Variants in CHRM3 observed in about 807,000 individuals in gnomAD.
CHRM3 encodes the protein muscarinic acetylcholine receptor M3.
Under a neutral mutation model 41.8 loss-of-function variants are expected in CHRM3, and 11 were observed. The ratio of observed to expected loss-of-function variants is 0.26; its 90% CI spans 0.17 to 0.44. The LOEUF is 0.44. Among genes scored for constraint, CHRM3 ranks in the 20% least tolerant of loss-of-function variants. CHRM3 has a pLI of 1.00. For synonymous variants in CHRM3, 297 were observed against 301.4 expected (o/e 0.99, Z 0.15); for missense variants, 571 against 745.4 (o/e 0.77, Z 2.72).
At chr1:239,605,174 A>G (rs1666100815) in intron 3 of CHRM3, among the ~76,000 whole-genome samples, 2 of 152,250 alleles carry the variant, frequency 1.3e-5, no homozygotes, top group Admixed American at 6.5e-5. Context: ...TCCAAGCTTC[A>G]GAGAGCTAAC....
At chr1:239,597,925 G>A (rs1175293357) in intron 3 of CHRM3, among the ~76,000 whole-genome samples, 1 of 147,752 alleles carries the variant, frequency 6.8e-6, no homozygotes, top group South Asian at 2.3e-4. Flanking sequence ...TGAGAACAGG[G>A]GTCTCGTGCA....
intron 5 of CHRM3, chr1:239,720,285 AAAAC>A (rs1662832453): frequency 6.6e-6 from 1 of 151,990 alleles, no homozygotes; most frequent in South Asian, 2.1e-4. Flanking sequence ...ATGTTTTTCT[AAAAC>A]AAAAAACTTT....
In CHRM3 at chr1:239,901,022, G is replaced by A. The variant is rs890446325; in HGVS notation, c.-19-6411G>A. ...AAGGTGTTCGCCCAGCTGAGTTTAC[G>A]TCTTAGGCAAGACTAAGGAAGAATT... is the stretch of plus-strand genomic sequence containing the variant. On this transcript the variant is annotated intron_variant, in intron 6 of 6. Transcript: ENST00000676153. Among the ~76,000 whole-genome samples the A allele has an allele frequency of 5.9e-5, 9 of 152,240 alleles. No individual in the cohort carries two copies. In the South Asian group the frequency reaches 8.3e-4, roughly 14 times the overall value.
rs142177467 is a variant in CHRM3, at chr1:239,808,203, C to T, written c.-146-19049C>T. Among the ~76,000 whole-genome samples the T allele has an allele frequency of 9.2e-3, 1,406 of 152,248 alleles. 24 individuals are homozygous for T. Among genetic ancestry groups the T allele is most frequent in the African/African-American group, 0.026 (1,076 of 41,530 alleles). ...GACAGCCCTAGAGAAAGCTCTCCAG[C>T]TCCCTGTGACAAGTCGTAGCTGAAG... On this transcript the variant is annotated intron_variant, in intron 5 of 6. Transcript: ENST00000676153.
chr1:239,458,690 C>T (rs1045497737), intron 1 of CHRM3, among the ~76,000 whole-genome samples: 5 of 152,088 alleles, frequency 3.3e-5, no homozygotes, highest in Non-Finnish European at 5.9e-5. Context: ...TTTGAAGGAA[C>T]CTTCAAACTT....
intron 5 of CHRM3, among the ~76,000 whole-genome samples, chr1:239,696,136 G>T (rs981578358): frequency 6.6e-6 from 1 of 152,108 alleles, no homozygotes; most frequent in Admixed American, 6.6e-5. Context: ...CTGGCCTTGG[G>T]TGGGACATTT....
intron 4 of CHRM3, among the ~76,000 whole-genome samples, chr1:239,668,971 A>G (rs542586494): frequency 5.9e-5 from 9 of 152,204 alleles, no homozygotes; most frequent in South Asian, 2.1e-4. Flanking sequence ...CCCTGCCTGC[A>G]TAGTTGAACA....
intron 5 of CHRM3, among the ~76,000 whole-genome samples, chr1:239,791,431 G>A (rs762058024): frequency 4.3e-4 from 66 of 152,288 alleles, no homozygotes; most frequent in Middle Eastern, 3.4e-3. Flanking sequence ...AAAGGGGCAT[G>A]TTGAGCAATT....
At position 239,894,968 on chromosome 1, in the gene CHRM3, T is replaced by C. The variant is rs114643600; in HGVS notation, c.-19-12465T>C. Among the ~76,000 whole-genome samples the C allele has an allele frequency of 7.3e-3, 1,115 of 152,288 alleles. 12 individuals are homozygous for C. The highest frequency in any genetic ancestry group is 0.025 in the African/African-American group (1,029 of 41,552). ...AAGACCCTCTGGTGCCTTCAGTATATGGCAAGCATTCACTGCCCTGGAAGA... is the reference window on the plus strand; with the variant it reads ...AAGACCCTCTGGTGCCTTCAGTATACGGCAAGCATTCACTGCCCTGGAAGA... On this transcript the variant is annotated intron_variant, in intron 6 of 6. Transcript: ENST00000676153.
intron 5 of CHRM3, among the ~76,000 whole-genome samples, chr1:239,777,009 A>G (rs1312501271): frequency 6.6e-6 from 1 of 152,182 alleles, no homozygotes; most frequent in Admixed American, 6.5e-5. Flanking sequence ...GCAGTTCAAG[A>G]TGAGATTTGG....
chr1:239,874,299 A>ATATATCTATATACACAGTG lies in CHRM3; in HGVS notation c.-19-33129_-19-33128insCTATATACACAGTGTATAT, dbSNP rs1553291948. On this transcript the variant is annotated intron_variant, in intron 6 of 6. Coordinates refer to ENST00000676153, the MANE Select transcript of CHRM3 (RefSeq NM_001375978.1). The stretch of plus-strand genomic sequence containing the variant: ...CTATATACACAGTATATATATATAT[A>ATATATCTATATACACAGTG]TATATATATATATATATATATATAT... Among the ~76,000 whole-genome samples the ATATATCTATATACACAGTG allele has an allele frequency of 8.6e-5, 10 of 116,702 alleles. 1 individual carries two copies. Among genetic ancestry groups the ATATATCTATATACACAGTG allele is most frequent in the Non-Finnish European group, 1.3e-4 (8 of 59,412 alleles). The allele number at this position is 116,702 out of a possible 152,430, so 76.6% of individuals were successfully genotyped here.
intron 1 of CHRM3, chr1:239,408,248 T>C (rs2103027402): frequency 6.6e-6 from 1 of 152,246 alleles, no homozygotes; most frequent in South Asian, 2.1e-4. Context: ...TATGCCATAA[T>C]TGTAAGTTTC....
chr1:239,896,437 A>G (rs1679012658), intron 6 of CHRM3, among the ~76,000 whole-genome samples: 1 of 152,254 alleles, frequency 6.6e-6, no homozygotes, highest in Non-Finnish European at 1.5e-5. Context: ...GTACTCAAAC[A>G]CATTTACTGT....
intron 3 of CHRM3, among the ~76,000 whole-genome samples, chr1:239,597,595 A>G (rs946642278): frequency 1.3e-5 from 2 of 152,110 alleles, no homozygotes; most frequent in African/African-American, 4.8e-5. Context: ...TATCATTACA[A>G]TACTAACTTG....
At chr1:239,583,225 T>A (rs1663071318) in intron 3 of CHRM3, among the ~76,000 whole-genome samples, 1 of 152,240 alleles carries the variant, frequency 6.6e-6, no homozygotes. Context: ...ATGTTAATAC[T>A]ATTTGTGTAT....
chr1:239,890,841 G>A (rs1572608512), intron 6 of CHRM3, among the ~76,000 whole-genome samples: 1 of 152,114 alleles, frequency 6.6e-6, no homozygotes, highest in Non-Finnish European at 1.5e-5. Flanking sequence ...GAGAAGCTTG[G>A]CCATTCCTTT....
At chr1:239,780,571 T>G (rs576648586) in intron 5 of CHRM3, among the ~76,000 whole-genome samples, 1 of 152,300 alleles carries the variant, frequency 6.6e-6, no homozygotes, top group Non-Finnish European at 1.5e-5. Context: ...TGACTTTTCT[T>G]CTCATTCTCA....
intron 5 of CHRM3, among the ~76,000 whole-genome samples, chr1:239,745,370 A>G (rs1423876717): frequency 6.6e-6 from 1 of 152,120 alleles, no homozygotes; most frequent in African/African-American, 2.4e-5. Flanking sequence ...ACCTGTTGAA[A>G]GTTGAAAGTG....
At chr1:239,642,623 C>A (rs1257861655) in intron 4 of CHRM3, among the ~76,000 whole-genome samples, 1 of 152,194 alleles carries the variant, frequency 6.6e-6, no homozygotes, top group Non-Finnish European at 1.5e-5. Flanking sequence ...CCATCAGCTC[C>A]TTTAAGCACT....
Sources: gnomAD v4.1 joint callset for allele counts (sites outside exome capture counted in the v4.1 genomes callset) on GRCh38, gnomAD v4.1.1 for gene constraint, MANE v1.5 for transcripts, NCBI Gene and HGNC (gene_info 2026-07-23, HGNC 2026-07-21) for gene names.